PIK3R3: variants seen among roughly 807,000 people sequenced by gnomAD.
PIK3R3 encodes phosphoinositide-3-kinase regulatory subunit 3.
PIK3R3 carries 64 observed loss-of-function variants against 62.9 expected under a neutral mutation model. That is an observed-to-expected ratio of 1.02 (90% CI 0.83 to 1.25). The LOEUF is 1.25. Among genes scored for constraint, PIK3R3 ranks in the 50% most tolerant of loss-of-function variants. The pLI, the probability that PIK3R3 is intolerant of heterozygous loss-of-function variation, is 0.00. For synonymous variants in PIK3R3, 165 were observed against 189.0 expected (o/e 0.87, Z 1.04); for missense variants, 614 against 561.6 (o/e 1.09, Z -0.94).
intron 7 of PIK3R3, among the ~76,000 whole-genome samples, chr1:46,052,875 T>A (rs1647488774): frequency 6.6e-6 from 1 of 152,174 alleles, no homozygotes; most frequent in Non-Finnish European, 1.5e-5. Flanking sequence ...AAAGAGGGCT[T>A]AAAGAACTAA....
chr1:46,043,784 C>T lies in PIK3R3; in HGVS notation c.1275G>A (p.Leu425=), dbSNP rs1000424074. 6.2e-7 allele frequency: 1 copy of T among 1,613,752 alleles called. No individual in the cohort carries two copies. Among genetic ancestry groups the T allele is most frequent in the Non-Finnish European group, 8.5e-7 (1 of 1,179,756 alleles). ...FAEPYNLYSS[L]KELVLHYQQT... ...GCTGGTAATGGAGCACTAGCTCCTT[C>T]AGAGAGCTGTACAGGTTGTAGGGCT... The change falls in exon 10 of 10, where the codon CTG becomes CTA. Residue 425 remains leucine, a synonymous_variant. Coordinates refer to ENST00000262741, the MANE Select transcript of PIK3R3 (RefSeq NM_003629.4).
At chr1:46,151,963 G>T in the PIK3R3 span, among the ~76,000 whole-genome samples, 2 of 152,270 alleles carry the variant, frequency 1.3e-5, no homozygotes, top group East Asian at 1.9e-4. Flanking sequence ...ACCACCCTGG[G>T]TTTGGCAGCT....
chr1:46,130,954 T>C (rs1655526731), intron 1 of PIK3R3, among the ~76,000 whole-genome samples: 1 of 152,204 alleles, frequency 6.6e-6, no homozygotes, highest in South Asian at 2.1e-4. Flanking sequence ...TCCTTTTCCT[T>C]TCCTACCAGA....
intron 1 of PIK3R3, among the ~76,000 whole-genome samples, chr1:46,123,469 T>C (rs970260972): frequency 7.2e-5 from 11 of 152,228 alleles, no homozygotes; most frequent in African/African-American, 2.7e-4. Context: ...CTAAAGACTA[T>C]GTATACCAAG....
rs576854491 is a variant in PIK3R3, at chr1:46,090,882, G to C, written c.107-10132C>G. ...CCACAGTGGGAGTATTTATACTTTG[G>C]AAATCAGCAAATACTACAAATCAGA... On this transcript the variant is annotated intron_variant, in intron 1 of 9. Transcript: ENST00000262741. Among the ~76,000 whole-genome samples, 4 of 152,224 alleles carry C rather than the reference G, an allele frequency of 2.6e-5. No homozygotes were observed. In the South Asian group the frequency reaches 8.3e-4, roughly 32 times the overall value.
intron 3 of PIK3R3, among the ~76,000 whole-genome samples, chr1:46,076,309 A>G (rs1197044653): frequency 6.6e-6 from 1 of 152,254 alleles, no homozygotes; most frequent in African/African-American, 2.4e-5. Context: ...TTAGATATTG[A>G]GCAAAATAGC....
In PIK3R3 at chr1:46,045,644, T is replaced by TTTTTTTTCTTTC. The variant is rs370501368; in HGVS notation, c.1187+273_1187+274insGAAAGAAAAAAA. Among the ~76,000 whole-genome samples, 3 of 82,596 alleles carry TTTTTTTTCTTTC rather than the reference T, an allele frequency of 3.6e-5. 1 individual carries two copies. Among genetic ancestry groups the TTTTTTTTCTTTC allele is most frequent in the African/African-American group, 9.4e-5 (2 of 21,220 alleles). The allele number at this position is 82,596 out of a possible 152,430, so 54.2% of individuals were successfully genotyped here. On this transcript the variant is annotated intron_variant, in intron 9 of 9. Coordinates refer to ENST00000262741, the MANE Select transcript of PIK3R3 (RefSeq NM_003629.4). ...TTTTTTTTTTTTTTTTTTTTTTTTT[T>TTTTTTTTCTTTC]CAATTTAAGATCTCACATTACCTTT...
chr1:46,049,896 G>A (rs1022555918), intron 7 of PIK3R3, among the ~76,000 whole-genome samples: 21 of 152,210 alleles, frequency 1.4e-4, no homozygotes, highest in African/African-American at 5.1e-4. Flanking sequence ...AAGGCAGGAG[G>A]ATCACCTGAG....
intron 1 of PIK3R3, among the ~76,000 whole-genome samples, chr1:46,131,163 ATTAAG>A (rs1307111639): frequency 1.1e-4 from 16 of 152,202 alleles, no homozygotes; most frequent in African/African-American, 3.6e-4. Context: ...TATCCCATAA[ATTAAG>A]TTAAATCATC....
At chr1:46,128,564 T>C (rs914846667) in intron 1 of PIK3R3, among the ~76,000 whole-genome samples, 1 of 152,162 alleles carries the variant, frequency 6.6e-6, no homozygotes, top group African/African-American at 2.4e-5. Flanking sequence ...AAGCAATGAG[T>C]TGAGCAAGGA....
the PIK3R3 span, among the ~76,000 whole-genome samples, chr1:46,171,245 T>A: frequency 6.6e-6 from 1 of 152,194 alleles, no homozygotes; most frequent in East Asian, 1.9e-4. Context: ...CTACTCCCTC[T>A]CTACTGAAAA....
At position 46,066,136 on chromosome 1, in the gene PIK3R3, T is replaced by G. The variant is rs1487189721; in HGVS notation, c.539A>C (p.Lys180Thr). 1.3e-6 allele frequency: 2 copies of G among 1,590,360 alleles called. No homozygotes were observed. The highest frequency in any genetic ancestry group is 1.7e-6 in the Non-Finnish European group (2 of 1,158,980). Residue 180 changes from lysine (K) to threonine (T), a missense_variant, in exon 5 of 10, where the codon AAA (lysine) becomes ACA (threonine). Coordinates refer to ENST00000262741, the MANE Select transcript of PIK3R3 (RefSeq NM_003629.4). Reference protein sequence around the residue: ...KEDNIDAVGKKLQEYHSQYQE... With the variant: ...KEDNIDAVGKTLQEYHSQYQE... ...ATACTGAGAGTGGTATTCTTGCAGTTTTTTACCTACTGCATCAATATTATC... is the reference window on the plus strand; with the variant it reads ...ATACTGAGAGTGGTATTCTTGCAGTGTTTTACCTACTGCATCAATATTATC...
At chr1:46,172,411 T>G in the PIK3R3 span, among the ~76,000 whole-genome samples, 1 of 152,140 alleles carries the variant, frequency 6.6e-6, no homozygotes, top group East Asian at 1.9e-4. Context: ...GGAGGATCAC[T>G]TGAGCCCAAG....
chr1:46,160,431 A>G, the PIK3R3 span, among the ~76,000 whole-genome samples: 8 of 152,246 alleles, frequency 5.3e-5, no homozygotes, highest in Non-Finnish European at 1.0e-4. Flanking sequence ...GGACTTTTTC[A>G]GTTGCATATA....
intron 1 of PIK3R3, among the ~76,000 whole-genome samples, chr1:46,107,596 T>C (rs1172300379): frequency 6.6e-6 from 1 of 152,158 alleles, no homozygotes; most frequent in African/African-American, 2.4e-5. Flanking sequence ...CACAGCTTTC[T>C]ATATGACTGT....
chr1:46,091,330 G>A (rs1019861174), intron 1 of PIK3R3, among the ~76,000 whole-genome samples: 5 of 151,532 alleles, frequency 3.3e-5, no homozygotes, highest in East Asian at 3.9e-4. Flanking sequence ...TAGTAAAGAC[G>A]GGGTTTCCCC....
In PIK3R3 at chr1:46,046,098, A is replaced by ACT. The variant is rs1372350648; in HGVS notation, c.1017-11_1017-10insAG. ...ATTGATAAAATAGTTCCTAAAAATT[A>ACT]AATATTAGTATATTATTCTAACAAG... On this transcript the variant is annotated splice_polypyrimidine_tract_variant and intron_variant, in intron 8 of 9. Coordinates refer to ENST00000262741, the MANE Select transcript of PIK3R3 (RefSeq NM_003629.4). 1 of 1,463,304 alleles carries ACT rather than the reference A, an allele frequency of 6.8e-7. No individual in the cohort carries two copies. Among genetic ancestry groups the ACT allele is most frequent in the Non-Finnish European group, 9.5e-7 (1 of 1,054,162 alleles). The allele number at this position is 1,463,304 out of a possible 1,614,324, so 90.6% of individuals were successfully genotyped here.
chr1:46,115,165 A>G lies in PIK3R3; in HGVS notation c.106+16682T>C, dbSNP rs78871561. Among the ~76,000 whole-genome samples, 1,045 of 152,304 alleles carry G rather than the reference A, an allele frequency of 6.9e-3. 36 individuals are homozygous for G. In the East Asian group the frequency reaches 0.11, roughly 16 times the overall value. The stretch of plus-strand genomic sequence containing the variant: ...TGGGGAAGCCCGTTTGAGAAAAAAA[A>G]GCTAATACAGGGTAAAGCCAAGAGA... On this transcript the variant is annotated intron_variant, in intron 1 of 9. Coordinates refer to ENST00000262741, the MANE Select transcript of PIK3R3 (RefSeq NM_003629.4).
chr1:46,131,684 A>C (rs368194009), intron 1 of PIK3R3, 163 bp downstream of exon 1: 1 of 552,410 alleles, frequency 1.8e-6, no homozygotes, highest in African/African-American at 2.2e-5. Flanking sequence ...TGCAAACTTT[A>C]AACGTGTAAA....
Sources: gnomAD v4.1 joint callset for allele counts (sites outside exome capture counted in the v4.1 genomes callset) on GRCh38, gnomAD v4.1.1 for gene constraint, MANE v1.5 for transcripts, NCBI Gene and HGNC (gene_info 2026-07-23, HGNC 2026-07-21) for gene names.